ZNF273: variants seen among roughly 807,000 people sequenced by gnomAD.
ZNF273 encodes the protein zinc finger protein 273, also known as zinc finger protein 9.
In ZNF273, 11 loss-of-function variants were observed where a neutral mutation model predicts 14.9. That is an observed-to-expected ratio of 0.74 (90% CI 0.46 to 1.22). ZNF273 has a LOEUF of 1.22. ZNF273 is among the 50% of genes most tolerant of loss of function. The pLI is 0.00. For missense variants in ZNF273, 577 were observed against 660.6 expected, an observed-to-expected ratio of 0.87 and a Z score of 1.39; for synonymous variants, 199 against 223.9, an observed-to-expected ratio of 0.89 and a Z score of 0.99.
intron 1 of ZNF273, chr7:64,917,180 G>T: frequency 9.4e-7 from 1 of 1,061,538 alleles, no homozygotes; most frequent in Non-Finnish European, 1.2e-6. Flanking sequence ...AAGAAAATCT[G>T]CATAACAAGA....
At chr7:64,923,293 G>GT (rs1429104385) in intron 3 of ZNF273, 21 of 451,420 alleles carry the variant, frequency 4.7e-5, no homozygotes, top group African/African-American at 4.2e-4. Context: ...TGAAAACTGA[G>GT]TGACAGTCCA....
chr7:64,881,429 C>G (rs1315969380), downstream of ZNF273, among the ~76,000 whole-genome samples: 1 of 152,254 alleles, frequency 6.6e-6, no homozygotes, highest in African/African-American at 2.4e-5. Flanking sequence ...GGTTTAAGCA[C>G]TAGGCTGCTG....
chr7:64,916,369 G>GCAAAAAAA (rs762863213), intron 1 of ZNF273, among the ~76,000 whole-genome samples: 1 of 135,132 alleles, frequency 7.4e-6, no homozygotes, highest in Non-Finnish European at 1.6e-5. Context: ...TACTAAAAAT[G>GCAAAAAAA]TAAAAAAAAA....
chr7:64,919,300 G>A (rs372899632), intron 3 of ZNF273, among the ~76,000 whole-genome samples: 22 of 152,118 alleles, frequency 1.4e-4, no homozygotes, highest in Middle Eastern at 3.4e-3. Flanking sequence ...ATCCATATAC[G>A]TAAAATATTT....
downstream of ZNF273, among the ~76,000 whole-genome samples, chr7:64,933,968 C>T (rs148925848): frequency 9.2e-5 from 14 of 152,196 alleles, no homozygotes; most frequent in South Asian, 1.5e-3. Context: ...CCATAGTCAC[C>T]GTGCTGTACA....
chr7:64,902,680 A>C (rs1418855653), upstream of ZNF273, among the ~76,000 whole-genome samples: 1 of 152,172 alleles, frequency 6.6e-6, no homozygotes, highest in Non-Finnish European at 1.5e-5. Context: ...ACTGCACTCC[A>C]GCCTGGAAGA....
chr7:64,915,464 G>A (rs1793906969), intron 1 of ZNF273, among the ~76,000 whole-genome samples: 1 of 152,198 alleles, frequency 6.6e-6, no homozygotes, highest in Non-Finnish European at 1.5e-5. Context: ...TAGATTAAAA[G>A]TAGTTCTTAT....
chr7:64,912,149 ACG>A (rs1793560393), intron 1 of ZNF273, among the ~76,000 whole-genome samples: 1 of 152,168 alleles, frequency 6.6e-6, no homozygotes, highest in Admixed American at 6.5e-5. Flanking sequence ...AATAGAGTCG[ACG>A]TGGTTTCACC....
intron 1 of ZNF273, among the ~76,000 whole-genome samples, chr7:64,906,500 T>TA (rs35933307): frequency 0.4 from 60,384 of 152,072 alleles, 13,487 homozygotes; most frequent in South Asian, 0.49. Flanking sequence ...TTTAAACACT[T>TA]ACTTTCAAAA....
chr7:64,918,905 T>G (rs1373537011), intron 3 of ZNF273, among the ~76,000 whole-genome samples: 1 of 152,144 alleles, frequency 6.6e-6, no homozygotes, highest in Non-Finnish European at 1.5e-5. Flanking sequence ...TTTTCCATTG[T>G]TTTGGGGGAC....
At chr7:64,903,474 G>T in intron 1 of ZNF273, 55 bp downstream of exon 1, 1 of 1,522,850 alleles carries the variant, frequency 6.6e-7, no homozygotes, top group Non-Finnish European at 9.1e-7. Context: ...GTTGGAACTG[G>T]TGGGAAGTGG....
chr7:64,925,261 A>G (rs1339003135), intron 3 of ZNF273, among the ~76,000 whole-genome samples: 4 of 151,666 alleles, frequency 2.6e-5, no homozygotes, highest in Non-Finnish European at 4.4e-5. Flanking sequence ...CATTTTCTTT[A>G]TCTTCTGTGT....
At chr7:64,935,779 C>T (rs1795054675), downstream of ZNF273, among the ~76,000 whole-genome samples, 1 of 152,090 alleles carries the variant, frequency 6.6e-6, no homozygotes, top group Non-Finnish European at 1.5e-5. Flanking sequence ...ACCTCAGCCT[C>T]CCAAAGTGTT....
downstream of ZNF273, chr7:64,889,140 AG>A (rs1314347894): frequency 2.0e-6 from 2 of 985,700 alleles, no homozygotes; most frequent in African/African-American, 3.5e-5. The surrounding 1 kb of genome is among the most constrained non-coding windows in gnomAD (Gnocchi z 4.2). Flanking sequence ...CTCGTTGCGG[AG>A]GGGACGCCCG....
rs1794659923 is a variant in ZNF273 at position 64,924,166 on chromosome 7, G to C, written c.326-3488G>C. ...TTAGCTTTTAATATTGTTTTATATT[G>C]TCATTCCATTTTTGTTATAGAAAGT... On this transcript the variant is annotated intron_variant, in intron 3 of 3. Transcript: ENST00000476120. 3 of 150,292 alleles carry C rather than the reference G, an allele frequency of 2.0e-5. No individual in the cohort carries two copies. The Admixed American group carries it at 2.0e-4, about 10-fold the overall frequency. 9.3% of individuals were successfully genotyped at this position (150,292 alleles called of 1,614,324 possible).
At chr7:64,891,374 G>A (rs537252617), downstream of ZNF273, among the ~76,000 whole-genome samples, 1 of 152,306 alleles carries the variant, frequency 6.6e-6, no homozygotes, top group African/African-American at 2.4e-5. Context: ...CTTCCTGTGG[G>A]TAAGAACCAA....
At chr7:64,934,525 C>T (rs1795045759), downstream of ZNF273, among the ~76,000 whole-genome samples, 1 of 152,182 alleles carries the variant, frequency 6.6e-6, no homozygotes, top group African/African-American at 2.4e-5. Context: ...CCTCATTGCT[C>T]TGCATGTTGC....
chr7:64,920,846 A>C (rs1794388652), intron 3 of ZNF273, among the ~76,000 whole-genome samples: 1 of 143,858 alleles, frequency 7.0e-6, no homozygotes, highest in African/African-American at 2.6e-5. Context: ...CCAACCTTAA[A>C]GTACCATGTA....
intron 2 of ZNF273, 92 bp from the exon 3 acceptor site, chr7:64,918,105 A>G: frequency 8.5e-7 from 1 of 1,170,934 alleles, no homozygotes; most frequent in South Asian, 1.5e-5. Flanking sequence ...ATTTACTAGA[A>G]TACTTAATTA....
Sources: gnomAD v4.1 joint callset for allele counts (sites outside exome capture counted in the v4.1 genomes callset) on GRCh38, gnomAD v4.1.1 for gene constraint, Gnocchi (gnomAD v3.1) non-coding constraint, MANE v1.5 for transcripts, NCBI Gene and HGNC (gene_info 2026-07-23, HGNC 2026-07-21) for gene names.